WWC2: variants seen among roughly 807,000 people sequenced by gnomAD.
WWC2 encodes the protein protein WWC2.
A neutral mutation model predicts 138.5 loss-of-function variants in WWC2; 101 were observed. That is an observed-to-expected ratio of 0.73 (90% CI 0.62 to 0.86). The LOEUF is 0.86. Among genes scored for constraint, WWC2 ranks in the 40% least tolerant of loss-of-function variants. The pLI is 0.00. For synonymous variants in WWC2, 558 were observed against 538.4 expected (o/e 1.04, Z -0.50); for missense variants, 1,420 against 1,419.4 (o/e 1.00, Z -0.01).
chr4:183,286,204 C>A, intron 20 of WWC2, 145 bp downstream of exon 20: 1 of 732,192 alleles, frequency 1.4e-6, no homozygotes. Context: ...TACACAGAGA[C>A]GCAGATGCCA....
intron 11 of WWC2, among the ~76,000 whole-genome samples, chr4:183,263,762 A>T (rs1404629667): frequency 5.3e-5 from 8 of 152,188 alleles, no homozygotes; most frequent in Non-Finnish European, 1.2e-4. Flanking sequence ...CCTTGTCTCA[A>T]AAAAAGGAAA....
intron 1 of WWC2, among the ~76,000 whole-genome samples, chr4:183,108,078 C>T (rs552826454): frequency 4.3e-4 from 65 of 151,952 alleles, no homozygotes; most frequent in African/African-American, 1.4e-3. Flanking sequence ...GTGTGAGTCA[C>T]GTAATGAATC....
Position 183,316,090 on chromosome 4 carries a change from G to A in WWC2, c.*361G>A. 5.0e-6 allele frequency: 1 copy of A among 200,842 alleles called. No homozygotes were observed. Among genetic ancestry groups the A allele is most frequent in the Non-Finnish European group, 1.0e-5 (1 of 97,560 alleles). 12.4% of individuals were successfully genotyped at this position (200,842 alleles called of 1,614,324 possible). A position where few individuals can be genotyped will look rare whatever the true frequency, so the allele number is the denominator to read the frequency against. On this transcript the variant is annotated 3_prime_UTR_variant, in exon 23 of 23. Coordinates refer to ENST00000403733, the MANE Select transcript of WWC2 (RefSeq NM_024949.6). ...TGAGAAACAACTTGGTTCAGCCGGT[G>A]GTTTTGCTTCTCCTTTGTGTTCCTG...
rs1056989876 is a variant in WWC2 at position 183,099,531 on chromosome 4, C to T, written c.40C>T (p.Arg14Trp). 9.3e-6 allele frequency: 13 copies of T among 1,401,344 alleles called. No homozygotes were observed. Among genetic ancestry groups the T allele is most frequent in the African/African-American group, 1.5e-5 (1 of 66,844 alleles). 86.8% of individuals were successfully genotyped at this position (1,401,344 alleles called of 1,614,324 possible). The part of the protein sequence containing the change: ...RAGSGQLPLP[R>W]GWEEARDYDG... ...CGGGAGCGGTCAGCTGCCGCTGCCC[C>T]GGGGCTGGGAGGAGGCCAGGGACTA... is the stretch of plus-strand genomic sequence containing the variant. Residue 14 changes from arginine (R) to tryptophan (W), a missense_variant, in exon 1 of 23, where the codon CGG becomes TGG. Transcript: ENST00000403733.
At chr4:183,164,907 T>A (rs1314560028) in intron 1 of WWC2, among the ~76,000 whole-genome samples, 2 of 152,160 alleles carry the variant, frequency 1.3e-5, no homozygotes, top group African/African-American at 4.8e-5. Flanking sequence ...AAAAGGCACA[T>A]TTTAGGCATT....
intron 1 of WWC2, among the ~76,000 whole-genome samples, chr4:183,121,848 C>T (rs940765445): frequency 3.3e-5 from 5 of 149,416 alleles, no homozygotes; most frequent in Admixed American, 1.3e-4. Context: ...TGCGGTGGCA[C>T]GATCTTGGCT....
chr4:183,182,045 A>C (rs1194189859), intron 1 of WWC2, among the ~76,000 whole-genome samples: 1 of 152,212 alleles, frequency 6.6e-6, no homozygotes, highest in African/African-American at 2.4e-5. Flanking sequence ...CTACATATGT[A>C]TATATTTATT....
intron 4 of WWC2, among the ~76,000 whole-genome samples, chr4:183,227,115 C>T (rs1184351111): frequency 1.3e-5 from 2 of 151,932 alleles, no homozygotes; most frequent in East Asian, 3.9e-4. Context: ...GCATACCTCC[C>T]ACCACCACCA....
At chr4:183,136,930 C>T (rs1733133806) in intron 1 of WWC2, among the ~76,000 whole-genome samples, 1 of 152,014 alleles carries the variant, frequency 6.6e-6, no homozygotes, top group African/African-American at 2.4e-5. Flanking sequence ...CCTATTCCTC[C>T]TAGGTTACAA....
intron 4 of WWC2, among the ~76,000 whole-genome samples, chr4:183,238,692 C>T (rs1042914234): frequency 1.3e-5 from 2 of 152,174 alleles, no homozygotes; most frequent in Non-Finnish European, 2.9e-5. Context: ...CTAACCCTCT[C>T]AATTGAAACA....
intron 2 of WWC2, among the ~76,000 whole-genome samples, chr4:183,199,586 T>A (rs1267931800): frequency 6.6e-6 from 1 of 152,188 alleles, no homozygotes; most frequent in Non-Finnish European, 1.5e-5. Context: ...AATAAATGAA[T>A]ATAGCAGATA....
intron 2 of WWC2, among the ~76,000 whole-genome samples, chr4:183,200,103 C>T (rs954157889): frequency 6.6e-6 from 1 of 152,190 alleles, no homozygotes; most frequent in African/African-American, 2.4e-5. Context: ...AATGAGAATG[C>T]TTCCCACTGA....
intron 22 of WWC2, among the ~76,000 whole-genome samples, chr4:183,315,254 T>C (rs146825965): frequency 3.8e-4 from 58 of 152,348 alleles, no homozygotes; most frequent in East Asian, 2.7e-3. Context: ...ATGGTATCGA[T>C]GTAAAGACTT....
intron 1 of WWC2, among the ~76,000 whole-genome samples, chr4:183,187,552 C>A (rs866715417): frequency 8.0e-5 from 1 of 12,544 alleles, no homozygotes. Flanking sequence ...GACTCCGTCT[C>A]AAAATAATAA....
chr4:183,122,629 C>T (rs112085233), intron 1 of WWC2, among the ~76,000 whole-genome samples: 17,077 of 152,138 alleles, frequency 0.11, 1,126 homozygotes, highest in Middle Eastern at 0.18. Flanking sequence ...AAGCGATTCT[C>T]GTGCCTCAGC....
chr4:183,282,995 A>G (rs1738131092), intron 18 of WWC2, 89 bp downstream of exon 18: 1 of 1,332,968 alleles, frequency 7.5e-7, no homozygotes, highest in East Asian at 2.6e-5. Context: ...TTAGGTGTAA[A>G]TTCCATGTCA....
chr4:183,145,083 C>T (rs1733414221), intron 1 of WWC2, among the ~76,000 whole-genome samples: 1 of 152,192 alleles, frequency 6.6e-6, no homozygotes, highest in African/African-American at 2.4e-5. Flanking sequence ...ATCAATTTAG[C>T]AACTGCAGTT....
At chr4:183,282,593 C>A in intron 17 of WWC2, 115 bp from the exon 18 acceptor site, 2 of 1,058,572 alleles carry the variant, frequency 1.9e-6, no homozygotes, top group African/African-American at 1.6e-5. Context: ...AAAGAAATGG[C>A]TTGGCTCATT....
At chr4:183,194,257 C>T (rs915123343) in intron 2 of WWC2, among the ~76,000 whole-genome samples, 2 of 152,188 alleles carry the variant, frequency 1.3e-5, no homozygotes, top group Non-Finnish European at 2.9e-5. Flanking sequence ...TTAAATCTGT[C>T]ATATCTCTGA....
Sources: gnomAD v4.1 joint callset for allele counts (sites outside exome capture counted in the v4.1 genomes callset) on GRCh38, gnomAD v4.1.1 for gene constraint, MANE v1.5 for transcripts, NCBI Gene and HGNC (gene_info 2026-07-23, HGNC 2026-07-21) for gene names.